TEX10: variants seen among roughly 807,000 people sequenced by gnomAD.
The protein encoded by TEX10 is testis-expressed protein 10.
In TEX10, 24 loss-of-function variants were observed where a neutral mutation model predicts 104.4. The ratio of observed to expected loss-of-function variants is 0.23; its 90% CI spans 0.17 to 0.32. The LOEUF (loss-of-function observed/expected upper bound fraction) is 0.32, where lower values mean the gene tolerates loss of function less well. TEX10 is among the 10% of genes least tolerant of loss of function. The pLI is 1.00. For synonymous variants in TEX10, 396 were observed against 393.4 expected (o/e 1.01, Z -0.08); for missense variants, 921 against 1,083.9 (o/e 0.85, Z 2.11).
chr9:100,324,534 T>A (rs1026437204), intron 9 of TEX10, among the ~76,000 whole-genome samples: 2 of 152,200 alleles, frequency 1.3e-5, no homozygotes, highest in Non-Finnish European at 2.9e-5. Context: ...TTAACTACAA[T>A]GACAATCATT....
chr9:100,346,793 A>T lies in TEX10; in HGVS notation c.794T>A (p.Ile265Asn). The T allele has an allele frequency of 6.2e-7, 1 of 1,614,190 alleles. No homozygotes were observed. The highest frequency in any genetic ancestry group is 8.5e-7 in the Non-Finnish European group (1 of 1,180,028). Residue 265 changes from isoleucine to asparagine, a missense_variant, in exon 3 of 15, where the codon ATT (isoleucine) becomes AAT (asparagine). By Grantham distance (149) the Ile-to-Asn change is moderately radical. Coordinates refer to ENST00000374902, the MANE Select transcript of TEX10 (RefSeq NM_017746.4). ...KENPHATSNS[I>N]FINWKEHAND... ...GGCATGTTCCTTCCAGTTGATAAAA[A>T]TGGAGTTGCTAGTGGCATGGGGATT...
rs1588175176 is a variant in TEX10 at position 100,326,608 on chromosome 9, T to C, written c.1802-129A>G. On this transcript the variant is annotated intron_variant, in intron 8 of 14. Coordinates refer to ENST00000374902, the MANE Select transcript of TEX10 (RefSeq NM_017746.4). Reference sequence around the variant, plus strand: ...TATGCTGAATTTTATGAATATCAATTACATAAAAGCATAATTATATTAATA... The same window carrying C: ...TATGCTGAATTTTATGAATATCAATCACATAAAAGCATAATTATATTAATA... The C allele has an allele frequency of 8.2e-6, 7 of 852,994 alleles. No individual in the cohort carries two copies. The South Asian group carries it at 9.1e-5, about 11-fold the overall frequency. 52.8% of individuals were successfully genotyped at this position (852,994 alleles called of 1,614,324 possible).
At chr9:100,352,407 A>G in intron 1 of TEX10, 2 of 1,551,754 alleles carry the variant, frequency 1.3e-6, no homozygotes, top group Non-Finnish European at 1.7e-6. Context: ...TCCATCCCAG[A>G]GGCGAACACA....
At chr9:100,345,947 G>A in intron 4 of TEX10, 125 bp downstream of exon 4, 1 of 1,066,748 alleles carries the variant, frequency 9.4e-7, no homozygotes, top group Non-Finnish European at 1.3e-6. Flanking sequence ...CAAGTTTACA[G>A]TTAAACCCAG....
chr9:100,330,279 T>C, intron 5 of TEX10, 110 bp from the exon 6 acceptor site: 2 of 844,140 alleles, frequency 2.4e-6, no homozygotes, highest in South Asian at 3.4e-5. Context: ...CCTTCTAGAA[T>C]TAATAGATGG....
At chr9:100,329,900 T>C (rs770401208) in intron 6 of TEX10, 31 bp downstream of exon 6, 1 of 1,558,092 alleles carries the variant, frequency 6.4e-7, no homozygotes, top group Non-Finnish European at 8.7e-7. Context: ...AGAGCTCCAC[T>C]CTTAAATAAG....
chr9:100,346,375 A>T, intron 3 of TEX10, 60 bp from the exon 4 acceptor site: 2 of 1,514,324 alleles, frequency 1.3e-6, no homozygotes, highest in Non-Finnish European at 1.8e-6. Context: ...ATCCCTTGCT[A>T]ATTTAAATCT....
rs574519064 is a variant in TEX10 at position 100,352,899 on chromosome 9, C to A, written c.-137G>T. The A allele has an allele frequency of 1.6e-5, 16 of 991,834 alleles. No individual in the cohort carries two copies. The African/African-American group carries it at 1.7e-4, about 11-fold the overall frequency. 61.4% of individuals were successfully genotyped at this position (991,834 alleles called of 1,614,324 possible). A position where few individuals can be genotyped will look rare whatever the true frequency, so the allele number is the denominator to read the frequency against. ...CCCGGAGCGTGTTTTCAAATAGCCT[C>A]GTCCTCACGCGGCCGCGTCTCCTTC... On this transcript the variant is annotated 5_prime_UTR_variant, in exon 1 of 15. Coordinates refer to ENST00000374902, the MANE Select transcript of TEX10 (RefSeq NM_017746.4).
chr9:100,352,515 A>C, intron 1 of TEX10: 1 of 1,550,648 alleles, frequency 6.4e-7, no homozygotes, highest in Non-Finnish European at 8.7e-7. Flanking sequence ...CTCCGGGCTA[A>C]AACTCTCTCG....
chr9:100,311,287 CAGGAGGTTGG>C (rs565421788), intron 11 of TEX10, among the ~76,000 whole-genome samples: 2 of 151,816 alleles, frequency 1.3e-5, no homozygotes, highest in African/African-American at 2.4e-5. Context: ...ACCAGCTACT[CAGGAGGTTGG>C]GACAGGAGGA....
rs1834576359 is a variant in TEX10 at position 100,321,677 on chromosome 9, G to A, written c.2068+6C>T. 2 of 1,605,502 alleles carry A rather than the reference G, an allele frequency of 1.2e-6. No individual in the cohort carries two copies. The highest frequency in any genetic ancestry group is 3.4e-5 in the Admixed American group (2 of 59,500). ...CTTTTTTAATCTGGCAAGTGAATGT[G>A]GTTACCTGTAAGTGTGGAAAATAAG... On this transcript the variant is annotated splice_donor_region_variant and intron_variant, in intron 10 of 14. Transcript: ENST00000374902.
At chr9:100,338,279 T>C (rs1302803845) in intron 5 of TEX10, among the ~76,000 whole-genome samples, 1 of 152,152 alleles carries the variant, frequency 6.6e-6, no homozygotes, top group Non-Finnish European at 1.5e-5. Flanking sequence ...AGACTCCAGT[T>C]TGTAGTTTTT....
chr9:100,313,334 G>A, intron 11 of TEX10, among the ~76,000 whole-genome samples: 1 of 151,754 alleles, frequency 6.6e-6, no homozygotes, highest in Non-Finnish European at 1.5e-5. Flanking sequence ...GGTCAACATG[G>A]TGAAACCCTG....
chr9:100,352,359 G>T, intron 1 of TEX10: 1 of 1,551,410 alleles, frequency 6.4e-7, no homozygotes. Flanking sequence ...ACGGAACAGG[G>T]GACGCCAGCT....
Position 100,329,142 on chromosome 9 carries a change from G to C in TEX10, c.1623C>G (p.Phe541Leu). The C allele has an allele frequency of 6.3e-7, 1 of 1,591,426 alleles. No homozygotes were observed. Among genetic ancestry groups the C allele is most frequent in the Middle Eastern group, 1.7e-4 (1 of 5,902 alleles). ...AAGGAAAAATAACAAGATTTTACCT[G>C]AATCTACAAGATCTCAGTTCTTCTG... ...YQTEELRSCR[F>L]RYRSKVLSRW... The change falls in exon 7 of 15, where the codon TTC becomes TTG. Residue 541 changes from phenylalanine (F) to leucine (L), a missense_variant and splice_region_variant. Physicochemically the swap from Phe to Leu is conservative, Grantham distance 22 (BLOSUM62 0). This residue lies in a region of TEX10 where 753 missense variants were observed against 868.4 expected (regional missense o/e 0.87). Transcript: ENST00000374902.
chr9:100,335,241 C>T (rs1182654806), intron 5 of TEX10, among the ~76,000 whole-genome samples: 1 of 152,128 alleles, frequency 6.6e-6, no homozygotes, highest in East Asian at 1.9e-4. Context: ...CTCGCTCTGT[C>T]GCCCAGGCTG....
At chr9:100,352,171 T>C (rs897497569) in intron 1 of TEX10, among the ~76,000 whole-genome samples, 2 of 152,186 alleles carry the variant, frequency 1.3e-5, no homozygotes, top group African/African-American at 2.4e-5. Context: ...CGTACTGCAC[T>C]CGGCCTTTGA....
At chr9:100,331,873 AAAG>A (rs1834870623) in intron 5 of TEX10, among the ~76,000 whole-genome samples, 1 of 152,242 alleles carries the variant, frequency 6.6e-6, no homozygotes, top group African/African-American at 2.4e-5. Context: ...GAGCATTTAC[AAAG>A]AAGAAAAATT....
At position 100,302,936 on chromosome 9, in the gene TEX10, C is replaced by A. The variant is rs57609514; in HGVS notation, c.2677-632G>T. Among the ~76,000 whole-genome samples, 46 of 149,994 alleles carry A rather than the reference C, an allele frequency of 3.1e-4. 1 individual carries two copies. The highest frequency in any genetic ancestry group is 1.3e-3 in the South Asian group (6 of 4,550). ...AAGACACTTTTTTAACCGCCCCCCC[C>A]CCAAACTAAAATCACCAAAGGAATC... On this transcript the variant is annotated intron_variant, in intron 14 of 14. Coordinates refer to ENST00000374902, the MANE Select transcript of TEX10 (RefSeq NM_017746.4).
Sources: allele counts gnomAD v4.1 joint callset (sites outside exome capture counted in the v4.1 genomes callset), GRCh38; gene constraint gnomAD v4.1.1; regional missense constraint gnomAD v4.1.1; transcripts MANE v1.5; gene names NCBI Gene and HGNC (gene_info 2026-07-23, HGNC 2026-07-21).